Variants in FRMD4A observed in about 807,000 individuals in gnomAD.
FRMD4A encodes FERM domain-containing protein 4A.
FRMD4A carries 29 observed loss-of-function variants against 129.1 expected under a neutral mutation model. The observed-to-expected ratio is 0.22, with a 90% CI of 0.17 to 0.31. FRMD4A has a LOEUF of 0.31. Among genes scored for constraint, FRMD4A ranks in the 10% least tolerant of loss-of-function variants. The pLI, the probability that FRMD4A is intolerant of heterozygous loss-of-function variation, is 1.00. For synonymous variants in FRMD4A, 634 were observed against 571.6 expected (o/e 1.11, Z -1.56); for missense variants, 1,272 against 1,375.8 (o/e 0.92, Z 1.19).
At chr10:14,163,752 G>T (rs554282344) in intron 2 of FRMD4A, among the ~76,000 whole-genome samples, 1 of 152,274 alleles carries the variant, frequency 6.6e-6, no homozygotes, top group South Asian at 2.1e-4. Context: ...AAAAGGAACA[G>T]AATTACTGCA....
chr10:13,728,372 G>T (rs1306044360), intron 12 of FRMD4A, among the ~76,000 whole-genome samples: 2 of 152,074 alleles, frequency 1.3e-5, no homozygotes, highest in East Asian at 1.9e-4. Context: ...GGAAATGCTG[G>T]TATCCTGCCT....
chr10:14,090,653 C>G (rs988535846), intron 2 of FRMD4A, among the ~76,000 whole-genome samples: 2 of 152,182 alleles, frequency 1.3e-5, no homozygotes, highest in African/African-American at 4.8e-5. Context: ...GCAATGAGGC[C>G]TGGGTACTAC....
intron 2 of FRMD4A, among the ~76,000 whole-genome samples, chr10:14,109,242 T>C (rs1195826987): frequency 6.6e-6 from 1 of 150,678 alleles, no homozygotes; most frequent in Non-Finnish European, 1.5e-5. Context: ...CAAAGAAGCT[T>C]CTCAGAAGAA....
intron 2 of FRMD4A, among the ~76,000 whole-genome samples, chr10:13,985,126 C>G (rs181076720): frequency 2.8e-4 from 43 of 152,378 alleles, no homozygotes; most frequent in African/African-American, 7.7e-4. Flanking sequence ...AGGTGGCTGG[C>G]TCACCCTGAC....
In FRMD4A at chr10:14,183,145, G is replaced by A. The variant is rs143149560; in HGVS notation, c.45+146913C>T. On this transcript the variant is annotated intron_variant, in intron 2 of 24. Coordinates refer to ENST00000357447, the MANE Select transcript of FRMD4A (RefSeq NM_018027.5). The stretch of plus-strand genomic sequence containing the variant: ...TGAAGTTTACAGAGTGCTGATAAGT[G>A]ATCTCCAGATTATATGGTCTTAGAC... 2.0e-5 allele frequency among the ~76,000 whole-genome samples: 3 copies of A among 152,296 alleles called. No individual in the cohort carries two copies. In the East Asian group the frequency reaches 5.8e-4, roughly 29 times the overall value.
chr10:13,874,568 G>T (rs1306518953), intron 2 of FRMD4A, among the ~76,000 whole-genome samples: 1 of 152,124 alleles, frequency 6.6e-6, no homozygotes, highest in Non-Finnish European at 1.5e-5. Context: ...TTTCAGGAAG[G>T]TATTGTAACA....
intron 2 of FRMD4A, among the ~76,000 whole-genome samples, chr10:14,261,937 A>C (rs1009702072): frequency 5.5e-4 from 64 of 117,246 alleles, no homozygotes; most frequent in African/African-American, 2.1e-3. Flanking sequence ...TTCTCACCAC[A>C]CCAAACACAC....
chr10:13,804,586 C>G (rs2093326835), intron 4 of FRMD4A, among the ~76,000 whole-genome samples: 1 of 139,110 alleles, frequency 7.2e-6, no homozygotes, highest in African/African-American at 2.8e-5. Context: ...GCTCTGTCGC[C>G]AGGCTGGAGT....
intron 2 of FRMD4A, among the ~76,000 whole-genome samples, chr10:14,320,919 C>A (rs938758143): frequency 1.3e-5 from 2 of 152,240 alleles, no homozygotes; most frequent in Non-Finnish European, 2.9e-5. Context: ...GCAGCTCACC[C>A]TTCAGTTCAA....
At chr10:14,170,430 A>C (rs534978541) in intron 2 of FRMD4A, among the ~76,000 whole-genome samples, 39 of 152,318 alleles carry the variant, frequency 2.6e-4, no homozygotes, top group South Asian at 1.0e-3. Flanking sequence ...TCCTTTAGAC[A>C]GTTACTTTAT....
At chr10:14,136,932 G>A (rs1839569018) in intron 2 of FRMD4A, among the ~76,000 whole-genome samples, 1 of 152,144 alleles carries the variant, frequency 6.6e-6, no homozygotes, top group Non-Finnish European at 1.5e-5. Flanking sequence ...GCCAAATTGT[G>A]GTATACCTCC....
At chr10:13,959,416 G>A (rs535052350) in intron 2 of FRMD4A, among the ~76,000 whole-genome samples, 23 of 144,442 alleles carry the variant, frequency 1.6e-4, no homozygotes, top group African/African-American at 5.6e-4. Context: ...AGGTTGCAGT[G>A]AGCTGAGATT....
chr10:13,798,197 G>C (rs1163878240), intron 4 of FRMD4A, among the ~76,000 whole-genome samples: 2 of 151,756 alleles, frequency 1.3e-5, no homozygotes, highest in Non-Finnish European at 1.5e-5. Context: ...GATCACTTGA[G>C]GTCTGGAGTT....
At chr10:14,083,228 T>A (rs1282538927) in intron 2 of FRMD4A, 2 of 152,254 alleles carry the variant, frequency 1.3e-5, no homozygotes, top group African/African-American at 4.8e-5. Flanking sequence ...GCTGACATGT[T>A]TGAGCTCTTA....
chr10:13,969,624 GA>G (rs1235741505), intron 2 of FRMD4A, among the ~76,000 whole-genome samples: 1 of 152,208 alleles, frequency 6.6e-6, no homozygotes, highest in Admixed American at 6.5e-5. Context: ...GCCGAGGCAG[GA>G]GGATCACTTG....
In FRMD4A at chr10:13,699,955, G is replaced by A. The variant is rs149608716; in HGVS notation, c.975+1385C>T. ...TAACAACAGAAATTCTCTGTCCTGC[G>A]CTCATTCATCCCAGAAAATGACCAA... On this transcript the variant is annotated intron_variant, in intron 14 of 24. Transcript: ENST00000357447. 7.1e-3 allele frequency among the ~76,000 whole-genome samples: 1,088 copies of A among 152,218 alleles called. 15 individuals are homozygous for A. Among genetic ancestry groups the A allele is most frequent in the African/African-American group, 0.025 (1,026 of 41,528 alleles).
At chr10:13,840,567 T>C (rs1054162061) in intron 3 of FRMD4A, among the ~76,000 whole-genome samples, 6 of 114,068 alleles carry the variant, frequency 5.3e-5, no homozygotes, top group Non-Finnish European at 9.7e-5. Context: ...GGTGGGTGGA[T>C]CACTTGAGGT....
chr10:14,147,343 T>G (rs777126212), intron 2 of FRMD4A, among the ~76,000 whole-genome samples: 1 of 152,154 alleles, frequency 6.6e-6, no homozygotes, highest in Admixed American at 6.5e-5. Flanking sequence ...TGGTAATCAG[T>G]GGTCCCTGAC....
At chr10:14,104,514 G>C (rs2131780689) in intron 2 of FRMD4A, among the ~76,000 whole-genome samples, 1 of 152,308 alleles carries the variant, frequency 6.6e-6, no homozygotes, top group Non-Finnish European at 1.5e-5. Flanking sequence ...GGAAGGTGAG[G>C]CCACACAGAG....
Sources: gnomAD v4.1 joint callset for allele counts (sites outside exome capture counted in the v4.1 genomes callset) on GRCh38, gnomAD v4.1.1 for gene constraint, MANE v1.5 for transcripts, NCBI Gene and HGNC (gene_info 2026-07-23, HGNC 2026-07-21) for gene names.